EDARADD: variants seen among roughly 807,000 people sequenced by gnomAD.
EDARADD encodes EDAR associated via death domain.
A neutral mutation model predicts 25.6 loss-of-function variants in EDARADD; 20 were observed. The observed-to-expected ratio is 0.78, with a 90% CI of 0.55 to 1.14. The LOEUF is 1.14. Ranked by LOEUF, EDARADD falls within the 50% of genes most tolerant of loss-of-function variation. EDARADD has a pLI of 0.00. For synonymous variants in EDARADD, 86 were observed against 94.4 expected (o/e 0.91, Z 0.52); for missense variants, 225 against 270.1 (o/e 0.83, Z 1.17).
At chr1:236,360,538 T>G (rs588180) in intron 3 of EDARADD, among the ~76,000 whole-genome samples, 6 of 56,288 alleles carry the variant, frequency 1.1e-4, no homozygotes, top group Admixed American at 3.2e-4. Context: ...TAATTCACGG[T>G]TTTTTTTTTT....
At chr1:236,404,035 T>C (rs886570696) in intron 1 of EDARADD, among the ~76,000 whole-genome samples, 1 of 152,164 alleles carries the variant, frequency 6.6e-6, no homozygotes, top group Non-Finnish European at 1.5e-5. Context: ...TGGCATAAGA[T>C]GGCAGCCATG....
At chr1:236,432,927 C>CA (rs537189248) in intron 4 of EDARADD, among the ~76,000 whole-genome samples, 571 of 110,838 alleles carry the variant, frequency 5.2e-3, no homozygotes, top group African/African-American at 0.011. Context: ...GCAAGACTCT[C>CA]AAAAAAAAAA....
chr1:236,421,647 G>A (rs1409965811), intron 3 of EDARADD, among the ~76,000 whole-genome samples: 4 of 151,784 alleles, frequency 2.6e-5, no homozygotes, highest in Non-Finnish European at 4.4e-5. Flanking sequence ...ACAGATGCCC[G>A]CCACCACGCC....
chr1:236,463,513 G>A (rs552875137), intron 4 of EDARADD, among the ~76,000 whole-genome samples: 1 of 152,164 alleles, frequency 6.6e-6, no homozygotes, highest in Non-Finnish European at 1.5e-5. Flanking sequence ...GGTTGGTCTC[G>A]AACTCCCGAC....
chr1:236,399,070 C>A (rs1667570045), intron 1 of EDARADD, among the ~76,000 whole-genome samples: 1 of 152,098 alleles, frequency 6.6e-6, no homozygotes, highest in Non-Finnish European at 1.5e-5. Context: ...ATCGAGTTAG[C>A]CGTATTAACT....
At chr1:236,349,821 G>A (rs930162423) in intron 2 of EDARADD, among the ~76,000 whole-genome samples, 10 of 152,166 alleles carry the variant, frequency 6.6e-5, no homozygotes, top group Admixed American at 2.6e-4. Context: ...CAGTGGTGGG[G>A]GAGGGTGGTG....
chr1:236,363,006 A>AAAAAAAAAAT (rs1377112051), intron 3 of EDARADD, among the ~76,000 whole-genome samples: 3 of 42,950 alleles, frequency 7.0e-5, no homozygotes, highest in African/African-American at 3.3e-4. Context: ...AAAAAAAAAA[A>AAAAAAAAAAT]ATATATATAT....
intron 3 of EDARADD, among the ~76,000 whole-genome samples, chr1:236,355,474 C>A (rs573385238): frequency 3.3e-5 from 5 of 149,950 alleles, no homozygotes; most frequent in African/African-American, 1.2e-4. Context: ...CATTTCCCAT[C>A]CACTCATTCT....
At chr1:236,457,341 C>T (rs1168900913) in intron 4 of EDARADD, among the ~76,000 whole-genome samples, 1 of 151,812 alleles carries the variant, frequency 6.6e-6, no homozygotes, top group Non-Finnish European at 1.5e-5. Flanking sequence ...CAGGGTGAAA[C>T]AACATCTCTA....
At chr1:236,432,929 A>G (rs1172340999) in intron 4 of EDARADD, among the ~76,000 whole-genome samples, 6 of 147,524 alleles carry the variant, frequency 4.1e-5, no homozygotes, top group African/African-American at 1.2e-4. Flanking sequence ...AAGACTCTCA[A>G]AAAAAAAAAA....
intron 3 of EDARADD, among the ~76,000 whole-genome samples, chr1:236,381,801 C>CTTTTGTTTTT (rs1667303453): frequency 4.8e-5 from 2 of 42,070 alleles, no homozygotes; most frequent in East Asian, 8.1e-4. Context: ...CCTGTGGTTG[C>CTTTTGTTTTT]TTTTTTTTTT....
chr1:236,428,749 G>GCGCT (rs1553267420), intron 4 of EDARADD, among the ~76,000 whole-genome samples: 2 of 150,286 alleles, frequency 1.3e-5, no homozygotes, highest in Non-Finnish European at 3.0e-5. Flanking sequence ...CCGGGCAGAG[G>GCGCT]CTGCAATCTC....
At chr1:236,481,818 A>G (rs948127120) in intron 5 of EDARADD, among the ~76,000 whole-genome samples, 1 of 150,118 alleles carries the variant, frequency 6.7e-6, no homozygotes, top group African/African-American at 2.5e-5. Context: ...CATTATTAGA[A>G]ATGAGCATTC....
intron 4 of EDARADD, among the ~76,000 whole-genome samples, chr1:236,458,641 CTTTTTT>C (rs5781887): frequency 3.6e-4 from 41 of 113,544 alleles, no homozygotes; most frequent in African/African-American, 1.1e-3. Flanking sequence ...TTTTCTTTTT[CTTTTTT>C]TTTTTTTTTT....
At chr1:236,425,882 G>C (rs1021572600) in intron 3 of EDARADD, among the ~76,000 whole-genome samples, 3 of 152,210 alleles carry the variant, frequency 2.0e-5, no homozygotes, top group African/African-American at 4.8e-5. Context: ...GCCGAGAGCA[G>C]TTAATGAAAT....
intron 3 of EDARADD, among the ~76,000 whole-genome samples, chr1:236,367,640 T>C (rs934509422): frequency 6.6e-5 from 10 of 152,250 alleles, no homozygotes; most frequent in African/African-American, 2.4e-4. Flanking sequence ...TCTGGGATCA[T>C]AGGTGTGAGT....
At chr1:236,381,074 G>T (rs143948941) in intron 3 of EDARADD, among the ~76,000 whole-genome samples, 1 of 151,966 alleles carries the variant, frequency 6.6e-6, no homozygotes, top group East Asian at 1.9e-4. Context: ...CATCCTTCCC[G>T]CCCCACCCTC....
chr1:236,395,487 G>A lies in EDARADD; in HGVS notation c.61+982G>A, dbSNP rs1490662142. ...AAGAAGAAGGGAGGGGAAGGCGGAG[G>A]AGGGCAGGGGCGCGCAGAGCCACGG... On this transcript the variant is annotated intron_variant, in intron 1 of 5. Coordinates refer to ENST00000334232, the MANE Select transcript of EDARADD (RefSeq NM_145861.4). The surrounding 1 kb of genome is among the most constrained non-coding windows in gnomAD (Gnocchi z 6.9). 14 of 1,510,548 alleles carry A rather than the reference G, an allele frequency of 9.3e-6. No homozygotes were observed. The highest frequency in any genetic ancestry group is 1.4e-5 in the African/African-American group (1 of 71,140). 93.6% of individuals were successfully genotyped at this position (1,510,548 alleles called of 1,614,324 possible). A position where few individuals can be genotyped will look rare whatever the true frequency, so the allele number is the denominator to read the frequency against.
chr1:236,385,614 C>CT (rs1219435669), intron 3 of EDARADD, among the ~76,000 whole-genome samples: 2 of 151,340 alleles, frequency 1.3e-5, no homozygotes, highest in African/African-American at 4.9e-5. Context: ...ATCCCAGCTA[C>CT]TTGGGAGGCT....
Sources: gnomAD v4.1 joint callset for allele counts (sites outside exome capture counted in the v4.1 genomes callset) on GRCh38, gnomAD v4.1.1 for gene constraint, Gnocchi (gnomAD v3.1) non-coding constraint, MANE v1.5 for transcripts, NCBI Gene and HGNC (gene_info 2026-07-23, HGNC 2026-07-21) for gene names.